The following SHISA6 variants were observed in gnomAD, a reference collection of about 807,000 sequenced individuals.
SHISA6 encodes shisa family member 6.
In SHISA6, 22 loss-of-function variants were observed where a neutral mutation model predicts 47.9. The observed-to-expected ratio is 0.46, with a 90% CI of 0.33 to 0.66. The LOEUF (loss-of-function observed/expected upper bound fraction) is 0.66. SHISA6 is among the 30% of genes least tolerant of loss of function. SHISA6 has a pLI of 0.02. For synonymous variants in SHISA6, 388 were observed against 337.8 expected (o/e 1.15, Z -1.63); for missense variants, 680 against 764.6 (o/e 0.89, Z 1.30).
intron 1 of SHISA6, among the ~76,000 whole-genome samples, chr17:11,247,452 C>T (rs554326361): frequency 6.6e-6 from 1 of 152,296 alleles, no homozygotes; most frequent in East Asian, 1.9e-4. Flanking sequence ...TCCTTCCCTG[C>T]TGCCCTCTCC....
intron 3 of SHISA6, among the ~76,000 whole-genome samples, chr17:11,414,793 A>G (rs1914230627): frequency 6.6e-6 from 1 of 152,210 alleles, no homozygotes; most frequent in Non-Finnish European, 1.5e-5. Context: ...ATTATTCTCA[A>G]AAGAAAAAAA....
intron 3 of SHISA6, among the ~76,000 whole-genome samples, chr17:11,528,719 C>T (rs1237051972): frequency 6.6e-6 from 1 of 152,148 alleles, no homozygotes; most frequent in East Asian, 1.9e-4. Context: ...AGAAGCACCC[C>T]AGATGGTGTC....
At chr17:11,298,623 G>A (rs896670817) in intron 2 of SHISA6, among the ~76,000 whole-genome samples, 3 of 152,214 alleles carry the variant, frequency 2.0e-5, no homozygotes, top group African/African-American at 7.2e-5. Context: ...TGGCAGCTGG[G>A]GAATGTGCTA....
chr17:11,553,891 C>T (rs1176400852), intron 4 of SHISA6, among the ~76,000 whole-genome samples: 1 of 152,152 alleles, frequency 6.6e-6, no homozygotes. Flanking sequence ...GGGACATTGG[C>T]ACAGCAAAAT....
intron 3 of SHISA6, among the ~76,000 whole-genome samples, chr17:11,477,451 G>A (rs1226445695): frequency 6.6e-6 from 1 of 151,406 alleles, no homozygotes; most frequent in African/African-American, 2.4e-5. Flanking sequence ...TAAGTTTTAG[G>A]GTACATGTGC....
At chr17:11,367,479 A>G (rs1912492783) in intron 2 of SHISA6, among the ~76,000 whole-genome samples, 1 of 152,224 alleles carries the variant, frequency 6.6e-6, no homozygotes, top group Non-Finnish European at 1.5e-5. Context: ...AGCAGAAACT[A>G]TAAAAAACAT....
intron 3 of SHISA6, among the ~76,000 whole-genome samples, chr17:11,495,647 A>G (rs191357042): frequency 1.3e-4 from 20 of 152,326 alleles, no homozygotes; most frequent in African/African-American, 4.8e-4. Flanking sequence ...CCTGGCAGTG[A>G]CATGAAAACA....
At chr17:11,311,244 T>G (rs879318308) in intron 2 of SHISA6, among the ~76,000 whole-genome samples, 1 of 140,870 alleles carries the variant, frequency 7.1e-6, no homozygotes, top group Middle Eastern at 3.5e-3. Flanking sequence ...ATCGCACCAC[T>G]GCACTCTAGC....
chr17:11,331,198 G>A (rs1911096418), intron 2 of SHISA6, among the ~76,000 whole-genome samples: 2 of 152,092 alleles, frequency 1.3e-5, no homozygotes, highest in South Asian at 2.1e-4. Flanking sequence ...TTAAAAGGGA[G>A]GGATTTCAAA....
chr17:11,479,908 G>C (rs1235838875), intron 3 of SHISA6, among the ~76,000 whole-genome samples: 2 of 151,748 alleles, frequency 1.3e-5, no homozygotes, highest in Non-Finnish European at 1.5e-5. Context: ...GTAGATCTGA[G>C]TTTCTAACCT....
At chr17:11,416,093 C>A (rs1597502458) in intron 3 of SHISA6, among the ~76,000 whole-genome samples, 1 of 152,080 alleles carries the variant, frequency 6.6e-6, no homozygotes, top group South Asian at 2.1e-4. Context: ...GGGGTGGGCT[C>A]TACCTTCATG....
At chr17:11,536,153 G>T (rs2071786430) in intron 3 of SHISA6, among the ~76,000 whole-genome samples, 1 of 152,080 alleles carries the variant, frequency 6.6e-6, no homozygotes, top group African/African-American at 2.4e-5. Flanking sequence ...ATTATAATGG[G>T]AAGAACAAAT....
At chr17:11,326,935 C>G (rs1299411515) in intron 2 of SHISA6, among the ~76,000 whole-genome samples, 3 of 152,216 alleles carry the variant, frequency 2.0e-5, no homozygotes, top group African/African-American at 7.2e-5. Context: ...CAATGCGATT[C>G]TGAAATAGCA....
chr17:11,330,862 G>T (rs1911080673), intron 2 of SHISA6, among the ~76,000 whole-genome samples: 1 of 152,196 alleles, frequency 6.6e-6, no homozygotes, highest in Non-Finnish European at 1.5e-5. Context: ...GGAAGCGCCT[G>T]ACTTTTCTGA....
chr17:11,376,501 T>C (rs1042665562), intron 2 of SHISA6, among the ~76,000 whole-genome samples: 7 of 152,200 alleles, frequency 4.6e-5, no homozygotes, highest in Admixed American at 3.9e-4. Flanking sequence ...ATTTTTTGTA[T>C]TTTTAGTAAA....
At chr17:11,423,254 T>TAA (rs1368381478) in intron 3 of SHISA6, among the ~76,000 whole-genome samples, 4 of 144,988 alleles carry the variant, frequency 2.8e-5, no homozygotes, top group Non-Finnish European at 3.0e-5. Flanking sequence ...TATATATATA[T>TAA]AATATATATA....
intron 2 of SHISA6, among the ~76,000 whole-genome samples, chr17:11,327,757 G>A (rs1483897878): frequency 3.3e-5 from 5 of 152,118 alleles, no homozygotes; most frequent in South Asian, 2.1e-4. Flanking sequence ...AGACCGTGCC[G>A]CTGCACTCCA....
At chr17:11,512,709 T>C (rs1428152645) in intron 3 of SHISA6, among the ~76,000 whole-genome samples, 1 of 152,144 alleles carries the variant, frequency 6.6e-6, no homozygotes, top group Non-Finnish European at 1.5e-5. Flanking sequence ...TTATTATATA[T>C]CCTTCTAGAT....
chr17:11,507,833 A>G (rs2071512295), intron 3 of SHISA6, among the ~76,000 whole-genome samples: 2 of 152,230 alleles, frequency 1.3e-5, no homozygotes, highest in Admixed American at 1.3e-4. Context: ...CTCCGATTGC[A>G]TAACATCCTC....
Sources: allele counts gnomAD v4.1 joint callset (sites outside exome capture counted in the v4.1 genomes callset), GRCh38; gene constraint gnomAD v4.1.1; transcripts MANE v1.5; gene names NCBI Gene and HGNC (gene_info 2026-07-23, HGNC 2026-07-21).